The following MAML3 variants were observed in gnomAD, a reference collection of about 807,000 sequenced individuals.
MAML3 encodes the protein mastermind-like protein 3.
Under a neutral mutation model 101.9 loss-of-function variants are expected in MAML3, and 27 were observed. The observed-to-expected ratio is 0.27, with a 90% CI of 0.20 to 0.37. The LOEUF is 0.37. MAML3 is among the 10% of genes least tolerant of loss of function. MAML3 has a pLI of 1.00. For missense variants in MAML3, 1,316 were observed against 1,444.9 expected, an observed-to-expected ratio of 0.91 and a Z score of 1.45; for synonymous variants, 501 against 555.9, an observed-to-expected ratio of 0.90 and a Z score of 1.39.
intron 1 of MAML3, among the ~76,000 whole-genome samples, chr4:139,942,089 G>C (rs1733611688): frequency 6.6e-6 from 1 of 152,006 alleles, no homozygotes; most frequent in Non-Finnish European, 1.5e-5. Flanking sequence ...AGCAAAGATC[G>C]TGCCACTATA....
chr4:139,833,465 G>A (rs1396733685), intron 2 of MAML3, among the ~76,000 whole-genome samples: 1 of 152,144 alleles, frequency 6.6e-6, no homozygotes, highest in African/African-American at 2.4e-5. Context: ...TTGGGGAGTG[G>A]GAGAGCAGAG....
intron 1 of MAML3, among the ~76,000 whole-genome samples, chr4:139,910,166 C>T (rs1294561194): frequency 6.6e-6 from 1 of 152,096 alleles, no homozygotes; most frequent in Non-Finnish European, 1.5e-5. Flanking sequence ...AGAATCTGAG[C>T]GAGGGTTCCT....
chr4:139,878,559 A>G (rs963513398), intron 2 of MAML3, among the ~76,000 whole-genome samples: 1 of 152,196 alleles, frequency 6.6e-6, no homozygotes, highest in African/African-American at 2.4e-5. Flanking sequence ...CTCTTGGGAA[A>G]AAATAAAGCT....
At chr4:140,081,642 T>C (rs770286679) in intron 1 of MAML3, among the ~76,000 whole-genome samples, 103 of 152,280 alleles carry the variant, frequency 6.8e-4, no homozygotes, top group Non-Finnish European at 1.1e-3. Flanking sequence ...TGAGTAAACA[T>C]TGAAGTCTCA....
intron 1 of MAML3, among the ~76,000 whole-genome samples, chr4:139,953,194 A>C (rs1442537131): frequency 6.6e-6 from 1 of 152,222 alleles, no homozygotes; most frequent in African/African-American, 2.4e-5. Flanking sequence ...GCTAGAAAAT[A>C]GTAACAGTGG....
chr4:140,056,577 C>T (rs764611823), intron 1 of MAML3, among the ~76,000 whole-genome samples: 2 of 152,014 alleles, frequency 1.3e-5, no homozygotes, highest in Non-Finnish European at 2.9e-5. Flanking sequence ...GAGGCTGAGA[C>T]GGGCGGATCA....
chr4:139,973,633 T>C (rs1191949890), intron 1 of MAML3, among the ~76,000 whole-genome samples: 1 of 152,126 alleles, frequency 6.6e-6, no homozygotes, highest in Admixed American at 6.5e-5. Context: ...AAAGGATAAA[T>C]GAGGTCTCCT....
chr4:139,745,479 T>C (rs1729291576), intron 2 of MAML3, among the ~76,000 whole-genome samples: 4 of 152,188 alleles, frequency 2.6e-5, no homozygotes, highest in African/African-American at 7.2e-5. Flanking sequence ...TGGCTGAGAT[T>C]TGGCACTTGA....
chr4:140,080,932 C>G (rs1449715729), intron 1 of MAML3, among the ~76,000 whole-genome samples: 1 of 152,060 alleles, frequency 6.6e-6, no homozygotes, highest in Non-Finnish European at 1.5e-5. Flanking sequence ...AAATGGAATC[C>G]ATAGTTTTAA....
chr4:139,742,149 C>CT (rs67056013), intron 2 of MAML3, among the ~76,000 whole-genome samples: 22 of 113,680 alleles, frequency 1.9e-4, no homozygotes, highest in South Asian at 5.8e-4. Flanking sequence ...CTTTTCTTTT[C>CT]TTTTTTTTTT....
At position 139,807,154 on chromosome 4, in the gene MAML3, G is replaced by A. The variant is rs190002034; in HGVS notation, c.2080-76487C>T. Among the ~76,000 whole-genome samples, 6 of 152,246 alleles carry A rather than the reference G, an allele frequency of 3.9e-5. No individual in the cohort carries two copies. In the East Asian group the frequency reaches 9.6e-4, roughly 24 times the overall value. On this transcript the variant is annotated intron_variant, in intron 2 of 4. Coordinates refer to ENST00000509479, the MANE Select transcript of MAML3 (RefSeq NM_018717.5). ...AGTTTCTGCCACTTGTTGGCTCTAT[G>A]ACCCTAAATAAGCCATTTATCGTTC...
chr4:140,104,293 G>A (rs1268727574), intron 1 of MAML3, among the ~76,000 whole-genome samples: 2 of 135,812 alleles, frequency 1.5e-5, no homozygotes, highest in Non-Finnish European at 3.1e-5. Flanking sequence ...GCTGAGGCAG[G>A]AGGATTGCCT....
At chr4:139,950,049 G>T (rs1448571375) in intron 1 of MAML3, among the ~76,000 whole-genome samples, 4 of 151,924 alleles carry the variant, frequency 2.6e-5, no homozygotes, top group African/African-American at 9.7e-5. Context: ...CAATATTAAC[G>T]ATTTTTTTTT....
intron 1 of MAML3, among the ~76,000 whole-genome samples, chr4:139,986,950 A>ACAGTAATCAATTACTAGAGAC (rs1734550600): frequency 6.6e-6 from 1 of 152,196 alleles, no homozygotes; most frequent in African/African-American, 2.4e-5. Flanking sequence ...TTCACCATGG[A>ACAGTAATCAATTACTAGAGAC]CAGTAATCAA....
At chr4:139,780,684 G>A (rs1027795776) in intron 2 of MAML3, among the ~76,000 whole-genome samples, 34 of 148,686 alleles carry the variant, frequency 2.3e-4, no homozygotes, top group African/African-American at 8.5e-4. Flanking sequence ...AGGCTAGAGT[G>A]CAGTGGCACC....
rs2111084907 is a variant in MAML3 at position 139,785,717 on chromosome 4, C to A, written c.2080-55050G>T. 6.6e-6 allele frequency among the ~76,000 whole-genome samples: 1 copy of A among 151,978 alleles called. No homozygotes were observed. Among genetic ancestry groups the A allele is most frequent in the Non-Finnish European group, 1.5e-5 (1 of 67,990 alleles). ...AAACAGATTTCCTGAATTTAAAATG[C>A]TACTGAGGGTTTTGGGTGGTGGAGC... On this transcript the variant is annotated intron_variant, in intron 2 of 4. Transcript: ENST00000509479. This position sits in a 1 kb window ranked among gnomAD's most constrained non-coding sequence, Gnocchi z 4.3.
chr4:140,063,003 G>A (rs1007583738), intron 1 of MAML3, among the ~76,000 whole-genome samples: 1 of 152,064 alleles, frequency 6.6e-6, no homozygotes, highest in African/African-American at 2.4e-5. Flanking sequence ...TATTTGCTAT[G>A]TGCCAGGCAC....
At chr4:140,125,558 A>G (rs1015731057) in intron 1 of MAML3, among the ~76,000 whole-genome samples, 1 of 152,236 alleles carries the variant, frequency 6.6e-6, no homozygotes, top group East Asian at 1.9e-4. Flanking sequence ...TTACTCATGC[A>G]CAAGGCAAAC....
At chr4:139,935,163 A>C (rs1578605874) in intron 1 of MAML3, among the ~76,000 whole-genome samples, 1 of 151,400 alleles carries the variant, frequency 6.6e-6, no homozygotes, top group South Asian at 2.1e-4. Context: ...CTTCTCATGT[A>C]ATTCAGCCTT....
Sources: gnomAD v4.1 joint callset for allele counts (sites outside exome capture counted in the v4.1 genomes callset) on GRCh38, gnomAD v4.1.1 for gene constraint, Gnocchi (gnomAD v3.1) non-coding constraint, MANE v1.5 for transcripts, NCBI Gene and HGNC (gene_info 2026-07-23, HGNC 2026-07-21) for gene names.